Variants in PLCG2 observed in about 807,000 individuals in gnomAD.
The protein encoded by PLCG2 is 1-phosphatidylinositol 4,5-bisphosphate phosphodiesterase gamma-2.
Under a neutral mutation model 175.6 loss-of-function variants are expected in PLCG2, and 69 were observed. That is an observed-to-expected ratio of 0.39 (90% CI 0.32 to 0.48). The LOEUF (loss-of-function observed/expected upper bound fraction) is 0.48. Ranked by LOEUF, PLCG2 falls within the 20% of genes least tolerant of loss-of-function variation. The pLI is 0.91. For synonymous variants in PLCG2, 827 were observed against 624.0 expected (o/e 1.33, Z -4.85); for missense variants, 1,798 against 1,650.9 (o/e 1.09, Z -1.54).
chr16:81,930,406 T>C (rs1044381967), intron 24 of PLCG2, among the ~76,000 whole-genome samples: 1 of 152,158 alleles, frequency 6.6e-6, no homozygotes, highest in Admixed American at 6.5e-5. Context: ...TTCTTCAGTC[T>C]CCACATTTGC....
At chr16:81,904,416 G>A (rs1179622121) in intron 14 of PLCG2, among the ~76,000 whole-genome samples, 3 of 152,218 alleles carry the variant, frequency 2.0e-5, no homozygotes, top group African/African-American at 7.2e-5. Context: ...ACGCTTGCCT[G>A]CGTGGGAGTC....
At chr16:81,864,579 T>C (rs1337161858) in intron 5 of PLCG2, among the ~76,000 whole-genome samples, 3 of 152,158 alleles carry the variant, frequency 2.0e-5, no homozygotes, top group Non-Finnish European at 4.4e-5. Flanking sequence ...AAAGATAAAA[T>C]AATAGTTCCC....
At chr16:81,806,998 G>T (rs908972992) in intron 2 of PLCG2, among the ~76,000 whole-genome samples, 4 of 152,122 alleles carry the variant, frequency 2.6e-5, no homozygotes, top group African/African-American at 9.7e-5. Flanking sequence ...AGTGGATGAC[G>T]GATGACTGAT....
At chr16:81,881,796 A>G (rs1040429982) in intron 8 of PLCG2, among the ~76,000 whole-genome samples, 2 of 147,798 alleles carry the variant, frequency 1.4e-5, no homozygotes, top group African/African-American at 5.0e-5. Context: ...GGCATCCATC[A>G]TGTCCAGCTA....
At chr16:81,782,048 A>AT (rs920453688) in intron 1 of PLCG2, among the ~76,000 whole-genome samples, 178 of 150,596 alleles carry the variant, frequency 1.2e-3, no homozygotes, top group African/African-American at 2.9e-3. Context: ...ATTGTTTTGT[A>AT]TTTTTTTTTA....
At chr16:81,775,368 C>T (rs562021350), upstream of PLCG2, among the ~76,000 whole-genome samples, 1 of 152,308 alleles carries the variant, frequency 6.6e-6, no homozygotes, top group Admixed American at 6.5e-5. Flanking sequence ...GGCTGAGCAG[C>T]CCACAGCCAT....
chr16:81,820,542 C>T (rs925371745), intron 2 of PLCG2, among the ~76,000 whole-genome samples: 6 of 152,218 alleles, frequency 3.9e-5, no homozygotes, highest in Admixed American at 1.3e-4. Context: ...ACCGAATATA[C>T]CACTGCCTAC....
chr16:81,948,844 C>T (rs1911255987), intron 31 of PLCG2, among the ~76,000 whole-genome samples: 1 of 152,074 alleles, frequency 6.6e-6, no homozygotes, highest in Admixed American at 6.5e-5. Context: ...CATGAGCATG[C>T]AGTGGAAAAA....
intron 32 of PLCG2, 93 bp from the exon 33 acceptor site, chr16:81,957,863 T>C: frequency 3.5e-6 from 4 of 1,139,072 alleles, no homozygotes; most frequent in Non-Finnish European, 5.3e-6. Flanking sequence ...TATGAATGAC[T>C]GGCAAATGTA....
rs146782318 is a variant in PLCG2, at chr16:81,800,505, G to A, written c.193+14323G>A. 4.2e-3 allele frequency among the ~76,000 whole-genome samples: 638 copies of A among 152,190 alleles called. 7 individuals carry two copies. The highest frequency in any genetic ancestry group is 0.017 in the Middle Eastern group (5 of 294). On this transcript the variant is annotated intron_variant, in intron 2 of 32. Transcript: ENST00000564138. ...CCCGTGTTAGTTTGCTGAGGATGAT[G>A]GCTTCCAGCTTCATCTATGTCCCTG...
chr16:81,830,968 C>A (rs1302827216), intron 2 of PLCG2, among the ~76,000 whole-genome samples: 3 of 152,058 alleles, frequency 2.0e-5, no homozygotes, highest in Non-Finnish European at 4.4e-5. Context: ...CTGGTGACAA[C>A]CTTGCTCTTC....
At chr16:81,892,536 CA>C (rs144278950) in intron 11 of PLCG2, among the ~76,000 whole-genome samples, 21,190 of 152,032 alleles carry the variant, frequency 0.14, 1,755 homozygotes, top group South Asian at 0.26. Flanking sequence ...AAATGTCTTT[CA>C]GGGGGAAATT....
At chr16:81,872,922 C>T (rs1034606892) in intron 7 of PLCG2, among the ~76,000 whole-genome samples, 2 of 152,312 alleles carry the variant, frequency 1.3e-5, no homozygotes, top group Non-Finnish European at 2.9e-5. Context: ...TGTGGGCTGG[C>T]CACACAGTGA....
chr16:81,935,866 A>G (rs1262475693), intron 26 of PLCG2: 1 of 985,046 alleles, frequency 1.0e-6, no homozygotes, highest in East Asian at 1.1e-4. Context: ...CTCTTCTATA[A>G]CTGTACCACT....
chr16:81,880,897 C>G lies in PLCG2; in HGVS notation c.649-13C>G. 6.2e-7 allele frequency: 1 copy of G among 1,613,336 alleles called. No homozygotes were observed. On this transcript the variant is annotated splice_polypyrimidine_tract_variant and intron_variant, in intron 7 of 32. Coordinates refer to ENST00000564138, the MANE Select transcript of PLCG2 (RefSeq NM_002661.5). Reference sequence around the variant, plus strand: ...TCTAAGGTTCTTTTTTTTGTGTGTGCTTTCCATTTCAGATTCTCGATGAAT... The same window carrying G: ...TCTAAGGTTCTTTTTTTTGTGTGTGGTTTCCATTTCAGATTCTCGATGAAT...
intron 1 of PLCG2, among the ~76,000 whole-genome samples, chr16:81,741,053 C>T (rs1909583231): frequency 6.6e-6 from 1 of 152,250 alleles, no homozygotes; most frequent in Admixed American, 6.5e-5. Flanking sequence ...AGGCAGTCCC[C>T]TTCCTCCATA....
intron 1 of PLCG2, among the ~76,000 whole-genome samples, chr16:81,747,437 A>C (rs1283185033): frequency 1.3e-5 from 2 of 152,182 alleles, no homozygotes; most frequent in Non-Finnish European, 2.9e-5. Context: ...CGGGACACTG[A>C]GGCACAAGAA....
intron 25 of PLCG2, among the ~76,000 whole-genome samples, chr16:81,932,477 C>T (rs1323389035): frequency 6.6e-6 from 1 of 152,186 alleles, no homozygotes; most frequent in Non-Finnish European, 1.5e-5. Flanking sequence ...TCCCATGCAC[C>T]CATTTGTTTC....
intron 2 of PLCG2, among the ~76,000 whole-genome samples, chr16:81,766,297 C>T (rs1430549767): frequency 6.6e-6 from 1 of 152,166 alleles, no homozygotes; most frequent in African/African-American, 2.4e-5. Context: ...GGGGAAGCCA[C>T]TCTGTTTCTC....
Sources: gnomAD v4.1 joint callset for allele counts (sites outside exome capture counted in the v4.1 genomes callset) on GRCh38, gnomAD v4.1.1 for gene constraint, MANE v1.5 for transcripts, NCBI Gene and HGNC (gene_info 2026-07-23, HGNC 2026-07-21) for gene names.